Variants in ZNF385D observed in about 807,000 individuals in gnomAD.
ZNF385D encodes the protein zinc finger protein 385D.
In ZNF385D, 15 loss-of-function variants were observed where a neutral mutation model predicts 35.8. The observed-to-expected ratio is 0.42, with a 90% CI of 0.28 to 0.64. The LOEUF (loss-of-function observed/expected upper bound fraction) is 0.64. ZNF385D is among the 30% of genes least tolerant of loss of function. The pLI is 0.23. For missense variants in ZNF385D, 474 were observed against 494.6 expected (o/e 0.96, Z 0.39); for synonymous variants, 212 against 186.8 (o/e 1.13, Z -1.10).
chr3:22,189,033 C>A (rs150044306), intron 2 of ZNF385D, among the ~76,000 whole-genome samples: 1 of 143,948 alleles, frequency 6.9e-6, no homozygotes, highest in Non-Finnish European at 1.6e-5. Flanking sequence ...AGCAGAAAAA[C>A]CAGCATTTTT....
chr3:22,265,532 G>T (rs1378750998), intron 2 of ZNF385D, among the ~76,000 whole-genome samples: 3 of 151,922 alleles, frequency 2.0e-5, no homozygotes, highest in East Asian at 3.9e-4. Flanking sequence ...AGAGAGGAAA[G>T]CAAGTCGAAC....
Position 22,329,806 on chromosome 3 carries a change from T to C in ZNF385D, c.106+42644A>G, listed in dbSNP as rs1694852043. On this transcript the variant is annotated intron_variant, in intron 2 of 5. Transcript: ENST00000494108. ...TTTAGTAATATTTTAACCCAATATA[T>C]ACACAATATTACTTTAAACATATAA... is the stretch of plus-strand genomic sequence containing the variant. Among the ~76,000 whole-genome samples the C allele has an allele frequency of 2.0e-5, 3 of 152,216 alleles. No individual in the cohort carries two copies. The South Asian group carries it at 6.2e-4, about 31-fold the overall frequency.
At chr3:21,436,693 G>T (rs1701568449) in intron 5 of ZNF385D, 1 of 357,426 alleles carries the variant, frequency 2.8e-6, no homozygotes, top group Non-Finnish European at 5.1e-6. Flanking sequence ...TCATATAAAT[G>T]CAAAACACAT....
chr3:21,917,051 GA>G (rs1180939088), intron 3 of ZNF385D, among the ~76,000 whole-genome samples: 3 of 152,082 alleles, frequency 2.0e-5, no homozygotes, highest in African/African-American at 7.2e-5. Flanking sequence ...AGTTTGAAGG[GA>G]AGAAAGAGAA....
chr3:22,313,334 G>T (rs1240296131), intron 2 of ZNF385D, among the ~76,000 whole-genome samples: 1 of 151,586 alleles, frequency 6.6e-6, no homozygotes, highest in Non-Finnish European at 1.5e-5. Flanking sequence ...CACCAACATG[G>T]CACATGTATA....
At chr3:21,705,517 C>A (rs550540932) in intron 1 of ZNF385D, among the ~76,000 whole-genome samples, 1 of 152,250 alleles carries the variant, frequency 6.6e-6, no homozygotes, top group Non-Finnish European at 1.5e-5. Flanking sequence ...CTCAATGATC[C>A]TACAGCTTTC....
At chr3:22,257,898 T>A (rs570964672) in intron 2 of ZNF385D, among the ~76,000 whole-genome samples, 1 of 151,958 alleles carries the variant, frequency 6.6e-6, no homozygotes, top group East Asian at 1.9e-4. Context: ...TTTAAAAAAT[T>A]AGGTTACCAA....
At chr3:22,110,339 A>G (rs372373857) in intron 3 of ZNF385D, among the ~76,000 whole-genome samples, 30 of 152,010 alleles carry the variant, frequency 2.0e-4, no homozygotes, top group East Asian at 1.7e-3. Context: ...ACATGCACAC[A>G]TATGTTTATT....
chr3:21,938,003 AAT>A (rs1701343434), intron 3 of ZNF385D, among the ~76,000 whole-genome samples: 1 of 152,230 alleles, frequency 6.6e-6, no homozygotes. Flanking sequence ...TTCCAGAAGT[AAT>A]ATAACACAGT....
intron 2 of ZNF385D, among the ~76,000 whole-genome samples, chr3:22,178,803 G>A (rs1695016185): frequency 6.6e-6 from 1 of 152,088 alleles, no homozygotes; most frequent in East Asian, 1.9e-4. Flanking sequence ...TTCTACATAT[G>A]GCTAGCCAGT....
At chr3:22,142,046 T>C (rs370261510) in intron 3 of ZNF385D, among the ~76,000 whole-genome samples, 1 of 152,180 alleles carries the variant, frequency 6.6e-6, no homozygotes, top group African/African-American at 2.4e-5. Flanking sequence ...TGACAGTTTA[T>C]TGTGAGTAAC....
intron 2 of ZNF385D, among the ~76,000 whole-genome samples, chr3:21,639,356 A>T (rs1023654539): frequency 7.2e-5 from 11 of 152,012 alleles, no homozygotes; most frequent in Admixed American, 4.6e-4. Flanking sequence ...GCAGCATATG[A>T]TACATAGTAA....
At chr3:21,891,229 T>C (rs1324433450) in intron 3 of ZNF385D, among the ~76,000 whole-genome samples, 1 of 152,216 alleles carries the variant, frequency 6.6e-6, no homozygotes, top group African/African-American at 2.4e-5. Context: ...ATTATTGTTC[T>C]GTTTTCATTG....
intron 2 of ZNF385D, among the ~76,000 whole-genome samples, chr3:22,316,236 T>TA (rs1381584649): frequency 6.6e-6 from 1 of 152,130 alleles, no homozygotes; most frequent in Non-Finnish European, 1.5e-5. Context: ...AAATTTTCCA[T>TA]AAAAAACCCC....
intron 3 of ZNF385D, among the ~76,000 whole-genome samples, chr3:22,156,644 A>G (rs1705604153): frequency 6.6e-6 from 1 of 152,248 alleles, no homozygotes; most frequent in South Asian, 2.1e-4. Context: ...ATGCCTCCAT[A>G]GCAGACTTTT....
At chr3:21,754,968 C>G (rs2070276381), upstream of ZNF385D, among the ~76,000 whole-genome samples, 1 of 152,190 alleles carries the variant, frequency 6.6e-6, no homozygotes, top group South Asian at 2.1e-4. Flanking sequence ...GTGTTTTGTG[C>G]AAAGTGTTCA....
chr3:21,558,034 T>G (rs1187598184), intron 3 of ZNF385D, among the ~76,000 whole-genome samples: 1 of 152,148 alleles, frequency 6.6e-6, no homozygotes. Flanking sequence ...TATTTTATTC[T>G]TCTCCCTTTT....
chr3:21,930,604 T>C (rs1700958759), intron 3 of ZNF385D, among the ~76,000 whole-genome samples: 1 of 152,070 alleles, frequency 6.6e-6, no homozygotes, highest in Non-Finnish European at 1.5e-5. Context: ...GCTACGATAA[T>C]CAAGGTAGTA....
intron 4 of ZNF385D, among the ~76,000 whole-genome samples, chr3:21,467,060 G>C (rs764830415): frequency 4.2e-4 from 64 of 152,266 alleles, no homozygotes; most frequent in Non-Finnish European, 9.1e-4. Context: ...TTCTTGTGCT[G>C]AATACTGATG....
Sources: gnomAD v4.1 joint callset for allele counts (sites outside exome capture counted in the v4.1 genomes callset) on GRCh38, gnomAD v4.1.1 for gene constraint, MANE v1.5 for transcripts, NCBI Gene and HGNC (gene_info 2026-07-23, HGNC 2026-07-21) for gene names.